Variants in RASEF observed in about 807,000 individuals in gnomAD.
RASEF encodes the protein ras and EF-hand domain-containing protein.
Under a neutral mutation model 90.1 loss-of-function variants are expected in RASEF, and 68 were observed. The ratio of observed to expected loss-of-function variants is 0.75; its 90% CI spans 0.62 to 0.92. The LOEUF (loss-of-function observed/expected upper bound fraction) is 0.92. Among genes scored for constraint, RASEF ranks in the 40% least tolerant of loss-of-function variants. The pLI is 0.00. For missense variants in RASEF, 949 were observed against 937.2 expected (o/e 1.01, Z -0.16); for synonymous variants, 331 against 345.2 (o/e 0.96, Z 0.46).
Position 83,022,397 on chromosome 9 carries a change from C to T in RASEF, c.608G>A (p.Ser203Asn), listed in dbSNP as rs912703670. 5 of 1,614,122 alleles carry T rather than the reference C, an allele frequency of 3.1e-6. No individual in the cohort carries two copies. Among genetic ancestry groups the T allele is most frequent in the Non-Finnish European group, 4.2e-6 (5 of 1,179,980 alleles). ...CTGATCCATTTCCTCTTCCAACTCA[C>T]TCAACTGCATAGCTGCCTTGTCCTG... ...RAQDKAAMQL[S>N]ELEEEMDQRI... is the part of the protein sequence containing the mutation. Residue 203 changes from serine to asparagine, a missense_variant, in exon 3 of 17, where the codon AGT (serine) becomes AAT (asparagine). Ser to Asn is a conservative substitution (Grantham distance 46). Coordinates refer to ENST00000376447, the MANE Select transcript of RASEF (RefSeq NM_152573.4).
At chr9:83,021,190 T>A (rs1465719015) in intron 3 of RASEF, among the ~76,000 whole-genome samples, 1 of 152,132 alleles carries the variant, frequency 6.6e-6, no homozygotes, top group Non-Finnish European at 1.5e-5. Context: ...TTTATATAGA[T>A]CATCATGTCT....
chr9:83,134,407 A>G, the RASEF span, among the ~76,000 whole-genome samples: 1 of 82,802 alleles, frequency 1.2e-5, no homozygotes, highest in Admixed American at 1.2e-4. Flanking sequence ...TGATCACAAT[A>G]GCGCACACAC....
chr9:83,009,788 T>C (rs763530492), intron 5 of RASEF, 32 bp from the exon 6 acceptor site: 2 of 1,366,232 alleles, frequency 1.5e-6, no homozygotes, highest in South Asian at 2.3e-5. Context: ...GGTCATTAGA[T>C]TCAGATTTTC....
At chr9:83,009,972 AT>A (rs1313254363) in intron 5 of RASEF, among the ~76,000 whole-genome samples, 2 of 152,260 alleles carry the variant, frequency 1.3e-5, no homozygotes, top group South Asian at 2.1e-4. Flanking sequence ...GTCATTCTTC[AT>A]TTTTTTATGC....
At chr9:83,007,409 G>A (rs369257694) in intron 7 of RASEF, 28 bp downstream of exon 7, 46 of 1,534,732 alleles carry the variant, frequency 3.0e-5, no homozygotes, top group Non-Finnish European at 4.2e-5. Flanking sequence ...AAATGTAAAT[G>A]TAATGAGCAT....
intron 1 of RASEF, among the ~76,000 whole-genome samples, chr9:83,032,790 A>G (rs1003826367): frequency 1.3e-5 from 2 of 152,226 alleles, no homozygotes; most frequent in African/African-American, 4.8e-5. Context: ...GAAAACAGGT[A>G]TACCTAAGAT....
chr9:83,016,082 T>C (rs1263918637), intron 3 of RASEF, among the ~76,000 whole-genome samples, 182 bp from the exon 4 acceptor site: 1 of 152,170 alleles, frequency 6.6e-6, no homozygotes, highest in Non-Finnish European at 1.5e-5. Context: ...ATTTTGGAAC[T>C]GAAACCTACA....
chr9:83,083,258 C>G, the RASEF span, among the ~76,000 whole-genome samples: 1 of 152,142 alleles, frequency 6.6e-6, no homozygotes, highest in Non-Finnish European at 1.5e-5. Flanking sequence ...CATGAACACA[C>G]CTGATCTCAT....
At chr9:83,145,735 G>A in the RASEF span, among the ~76,000 whole-genome samples, 1 of 151,634 alleles carries the variant, frequency 6.6e-6, no homozygotes. Flanking sequence ...GGGAAAATGG[G>A]TAAAAAAATA....
chr9:83,069,033 A>G, the RASEF span, among the ~76,000 whole-genome samples: 64 of 152,256 alleles, frequency 4.2e-4, no homozygotes, highest in Non-Finnish European at 4.0e-4. Flanking sequence ...CCTTTAAAGC[A>G]AATATTACTG....
chr9:83,185,022 A>C, the RASEF span, among the ~76,000 whole-genome samples: 1 of 152,146 alleles, frequency 6.6e-6, no homozygotes, highest in South Asian at 2.1e-4. Flanking sequence ...GTGGGGCCAG[A>C]AATCTGTTTT....
At chr9:83,114,380 A>G in the RASEF span, among the ~76,000 whole-genome samples, 3 of 152,158 alleles carry the variant, frequency 2.0e-5, no homozygotes, top group Non-Finnish European at 4.4e-5. Flanking sequence ...TGATGATTGC[A>G]TTAACTGCAC....
At chr9:83,033,642 A>T (rs1320360192) in intron 1 of RASEF, among the ~76,000 whole-genome samples, 1 of 152,238 alleles carries the variant, frequency 6.6e-6, no homozygotes. Context: ...AGATGACATG[A>T]TCGAGTTTGC....
intron 15 of RASEF, among the ~76,000 whole-genome samples, chr9:82,991,064 A>G (rs1828804251): frequency 6.6e-6 from 1 of 152,190 alleles, no homozygotes; most frequent in African/African-American, 2.4e-5. Context: ...AATGAGGCCC[A>G]GCTTCACGTG....
the RASEF span, among the ~76,000 whole-genome samples, chr9:83,163,517 G>T: frequency 6.6e-6 from 1 of 152,102 alleles, no homozygotes; most frequent in African/African-American, 2.4e-5. Context: ...ACATAAACAA[G>T]AAGATGAAAA....
chr9:83,041,168 C>G (rs918010269), intron 1 of RASEF, among the ~76,000 whole-genome samples: 14 of 152,160 alleles, frequency 9.2e-5, no homozygotes, highest in Non-Finnish European at 1.6e-4. Flanking sequence ...GTGCTCTGGC[C>G]TTTTTAAAAG....
the RASEF span, among the ~76,000 whole-genome samples, chr9:83,135,858 ACCCT>A: frequency 2.6e-5 from 4 of 152,050 alleles, no homozygotes; most frequent in Non-Finnish European, 5.9e-5. Context: ...GCTCCCCTTA[ACCCT>A]TAGTTAAAAC....
At chr9:83,026,104 G>T (rs1344616248) in intron 1 of RASEF, among the ~76,000 whole-genome samples, 183 bp from the exon 2 acceptor site, 1 of 152,184 alleles carries the variant, frequency 6.6e-6, no homozygotes, top group African/African-American at 2.4e-5. Context: ...CCCCACAATA[G>T]GAGATGGGGC....
the RASEF span, among the ~76,000 whole-genome samples, chr9:83,207,186 A>C: frequency 2.0e-5 from 3 of 152,140 alleles, no homozygotes; most frequent in Non-Finnish European, 4.4e-5. Context: ...ATTCTGCTCC[A>C]AGAGAGTCTA....
Sources: gnomAD v4.1 joint callset for allele counts (sites outside exome capture counted in the v4.1 genomes callset) on GRCh38, gnomAD v4.1.1 for gene constraint, MANE v1.5 for transcripts, NCBI Gene and HGNC (gene_info 2026-07-23, HGNC 2026-07-21) for gene names.